CCDC30: variants seen among roughly 807,000 people sequenced by gnomAD.
CCDC30 encodes the protein coiled-coil domain containing 30.
CCDC30 carries 70 observed loss-of-function variants against 100.2 expected under a neutral mutation model. That is an observed-to-expected ratio of 0.70 (90% confidence interval 0.58 to 0.85). The LOEUF is 0.85. CCDC30 is among the 40% of genes least tolerant of loss of function. CCDC30 has a pLI of 0.00. For missense variants in CCDC30, 652 were observed against 771.2 expected (o/e 0.85, Z 1.83); for synonymous variants, 233 against 269.5 (o/e 0.86, Z 1.33).
At chr1:42,457,955 C>CAA in the CCDC30 span, among the ~76,000 whole-genome samples, 898 of 100,878 alleles carry the variant, frequency 8.9e-3, 10 homozygotes, top group African/African-American at 0.026. Flanking sequence ...TACTCCGTCG[C>CAA]AAAAAAAAAA....
Position 42,581,519 on chromosome 1 carries a change from G to A in CCDC30, c.1001+5G>A, listed in dbSNP as rs1351502719. Reference sequence around the variant, plus strand: ...TCAAGAAGAACAACAGAAGAGGTAAGAGGAGCAGAGATCTCAGTTTCCTGT... The same window carrying A: ...TCAAGAAGAACAACAGAAGAGGTAAAAGGAGCAGAGATCTCAGTTTCCTGT... On this transcript the variant is annotated splice_donor_5th_base_variant and intron_variant, in intron 9 of 16. Coordinates refer to ENST00000668663, the Ensembl canonical transcript of CCDC30. The A allele has an allele frequency of 3.1e-6, 5 of 1,605,044 alleles. No individual in the cohort carries two copies. In the African/African-American group the frequency reaches 4.0e-5, roughly 13 times the overall value.
At chr1:42,566,465 A>C (rs560659475) in exon 7 of CCDC30, 1 of 1,613,292 alleles carries the variant, frequency 6.2e-7, no homozygotes, top group African/African-American at 1.3e-5. Flanking sequence ...CTTCAGGAAG[A>C]AAACATTAAG....
intron 4 of CCDC30, among the ~76,000 whole-genome samples, chr1:42,490,512 T>G (rs990918748): frequency 1.3e-5 from 2 of 151,474 alleles, no homozygotes; most frequent in African/African-American, 2.4e-5. Context: ...TAATAAGTAC[T>G]ACTACTATTA....
intron 11 of CCDC30, among the ~76,000 whole-genome samples, chr1:42,618,166 G>T (rs753255900): frequency 6.6e-6 from 1 of 151,560 alleles, no homozygotes; most frequent in African/African-American, 2.4e-5. Context: ...AGGATGACAG[G>T]TATACTGCTG....
intron 10 of CCDC30, chr1:42,595,086 A>T (rs1646259116): frequency 1.3e-5 from 2 of 151,976 alleles, no homozygotes; most frequent in Non-Finnish European, 2.9e-5. Context: ...TCATATGATT[A>T]TATGAGCCAT....
intron 1 of CCDC30, among the ~76,000 whole-genome samples, chr1:42,465,435 G>A (rs1403481600): frequency 6.6e-6 from 1 of 152,140 alleles, no homozygotes; most frequent in African/African-American, 2.4e-5. Context: ...CGCGATCTTG[G>A]CCCACTGCAA....
intron 15 of CCDC30, among the ~76,000 whole-genome samples, chr1:42,650,497 A>ATATGTGTGTGTGTGTGTG (rs1181889086): frequency 9.5e-5 from 13 of 136,294 alleles, no homozygotes; most frequent in East Asian, 8.5e-4. Context: ...AAAAATATAT[A>ATATGTGTGTGTGTGTGTG]TGTGTGTGTG....
chr1:42,631,153 C>G (rs1471775136), intron 11 of CCDC30, among the ~76,000 whole-genome samples: 5 of 152,298 alleles, frequency 3.3e-5, no homozygotes, highest in African/African-American at 1.2e-4. Flanking sequence ...GTGTTGTCAT[C>G]TAAGCTCTAC....
chr1:42,594,733 T>C (rs1646252067), intron 10 of CCDC30: 2 of 151,544 alleles, frequency 1.3e-5, no homozygotes, highest in Non-Finnish European at 2.9e-5. Flanking sequence ...CTGCTCTGAA[T>C]AAAATAAAAA....
chr1:42,634,261 A>C (rs796450539), intron 11 of CCDC30, among the ~76,000 whole-genome samples: 20 of 151,808 alleles, frequency 1.3e-4, no homozygotes, highest in African/African-American at 3.6e-4. Flanking sequence ...AAAAAAAAAA[A>C]AAAAAAAAAA....
chr1:42,507,527 G>A (rs186930125), intron 6 of CCDC30, among the ~76,000 whole-genome samples: 1 of 152,046 alleles, frequency 6.6e-6, no homozygotes, highest in African/African-American at 2.4e-5. Flanking sequence ...TTATGACTAG[G>A]TAAAATTTAC....
intron 6 of CCDC30, among the ~76,000 whole-genome samples, chr1:42,541,360 A>G (rs899547493): frequency 3.9e-5 from 6 of 152,214 alleles, no homozygotes; most frequent in Non-Finnish European, 8.8e-5. Context: ...ATACCATCCC[A>G]TTGAGGGTAA....
chr1:42,553,692 C>T (rs1334179112), intron 6 of CCDC30, among the ~76,000 whole-genome samples: 2 of 150,014 alleles, frequency 1.3e-5, no homozygotes, highest in Middle Eastern at 3.4e-3. Context: ...CACACACACA[C>T]GGTATACATT....
intron 1 of CCDC30, among the ~76,000 whole-genome samples, chr1:42,480,095 C>T (rs1318583972): frequency 6.6e-6 from 1 of 152,092 alleles, no homozygotes; most frequent in African/African-American, 2.4e-5. Context: ...AATTTTAGAC[C>T]TTGCAATAAA....
At chr1:42,600,002 A>G (rs79023257) in intron 10 of CCDC30, among the ~76,000 whole-genome samples, 2 of 152,246 alleles carry the variant, frequency 1.3e-5, no homozygotes, top group African/African-American at 4.8e-5. Context: ...GGTGCTAAAC[A>G]CTTTCGAACA....
intron 11 of CCDC30, among the ~76,000 whole-genome samples, chr1:42,614,804 T>TA (rs1311836442): frequency 1.3e-5 from 2 of 150,814 alleles, no homozygotes; most frequent in African/African-American, 2.4e-5. Flanking sequence ...AAAAAAAAGA[T>TA]ACAGAATATT....
intron 6 of CCDC30, among the ~76,000 whole-genome samples, chr1:42,562,808 C>T (rs926422965): frequency 6.6e-6 from 1 of 152,162 alleles, no homozygotes; most frequent in Non-Finnish European, 1.5e-5. Flanking sequence ...TGAACAGACA[C>T]TTCTCAAAAG....
chr1:42,574,120 C>G (rs1214789250), intron 7 of CCDC30, among the ~76,000 whole-genome samples: 3 of 152,052 alleles, frequency 2.0e-5, no homozygotes, highest in Non-Finnish European at 4.4e-5. Context: ...TTATCCTAGC[C>G]TCTTAAAATA....
intron 11 of CCDC30, among the ~76,000 whole-genome samples, chr1:42,621,733 G>A (rs1409627080): frequency 6.6e-6 from 1 of 151,858 alleles, no homozygotes; most frequent in Non-Finnish European, 1.5e-5. Flanking sequence ...GGATGGTCGC[G>A]ATCTCCTGAC....
Sources: gnomAD v4.1 joint callset for allele counts (sites outside exome capture counted in the v4.1 genomes callset) on GRCh38, gnomAD v4.1.1 for gene constraint, MANE v1.5 for transcripts, NCBI Gene and HGNC (gene_info 2026-07-23, HGNC 2026-07-21) for gene names.